Variants in SORCS3 observed in about 807,000 individuals in gnomAD.
SORCS3 encodes the protein sortilin related VPS10 domain containing receptor 3.
SORCS3 carries 57 observed loss-of-function variants against 146.3 expected under a neutral mutation model. The ratio of observed to expected loss-of-function variants is 0.39; its 90% confidence interval spans 0.31 to 0.49. The LOEUF (loss-of-function observed/expected upper bound fraction) is 0.49, where lower values mean the gene tolerates loss of function less well. Among genes scored for constraint, SORCS3 ranks in the 20% least tolerant of loss-of-function variants. SORCS3 has a pLI of 0.92. For missense variants in SORCS3, 1,341 were observed against 1,575.5 expected (o/e 0.85, Z 2.52); for synonymous variants, 653 against 618.5 (o/e 1.06, Z -0.83).
At chr10:104,795,142 A>T (rs1459294423) in intron 1 of SORCS3, among the ~76,000 whole-genome samples, 1 of 152,214 alleles carries the variant, frequency 6.6e-6, no homozygotes, top group African/African-American at 2.4e-5. Context: ...CAGAAATAAA[A>T]GGGGAGTAAT....
At chr10:104,817,096 G>A (rs1392205973) in intron 1 of SORCS3, among the ~76,000 whole-genome samples, 2 of 152,116 alleles carry the variant, frequency 1.3e-5, no homozygotes, top group Non-Finnish European at 2.9e-5. Flanking sequence ...GACAGCCTCA[G>A]TACTTTCACC....
intron 10 of SORCS3, among the ~76,000 whole-genome samples, chr10:105,158,534 A>C (rs1166371937): frequency 6.6e-6 from 1 of 152,162 alleles, no homozygotes; most frequent in East Asian, 1.9e-4. Context: ...TTGATGGTCA[A>C]GATCAGAAAT....
chr10:104,801,865 C>T (rs1160551506), intron 1 of SORCS3, among the ~76,000 whole-genome samples: 1 of 152,212 alleles, frequency 6.6e-6, no homozygotes, highest in East Asian at 1.9e-4. Flanking sequence ...ATTTCTACCA[C>T]TTTTGAAGGT....
intron 3 of SORCS3, among the ~76,000 whole-genome samples, chr10:104,967,265 T>C (rs184464362): frequency 3.3e-5 from 5 of 152,324 alleles, no homozygotes; most frequent in African/African-American, 9.6e-5. Flanking sequence ...TTTCTTAAAA[T>C]ATTACCAGAA....
chr10:105,085,308 A>C (rs747576955), intron 5 of SORCS3, among the ~76,000 whole-genome samples: 11 of 152,234 alleles, frequency 7.2e-5, no homozygotes, highest in Non-Finnish European at 1.6e-4. Context: ...TGTGGGCTGG[A>C]GGAGGGCCTC....
chr10:104,822,374 T>C (rs1263809914), intron 1 of SORCS3, among the ~76,000 whole-genome samples: 1 of 152,210 alleles, frequency 6.6e-6, no homozygotes, highest in Non-Finnish European at 1.5e-5. Context: ...TTGCCAAAGA[T>C]AAATTTCTCA....
At chr10:104,825,071 T>C (rs1035871823) in intron 1 of SORCS3, among the ~76,000 whole-genome samples, 7 of 152,198 alleles carry the variant, frequency 4.6e-5, no homozygotes, top group Admixed American at 2.6e-4. Context: ...TCTGTGTCAG[T>C]GAGAGGCCTG....
At chr10:104,811,408 A>C (rs996223132) in intron 1 of SORCS3, among the ~76,000 whole-genome samples, 3 of 152,228 alleles carry the variant, frequency 2.0e-5, no homozygotes, top group Non-Finnish European at 4.4e-5. Flanking sequence ...GAAGGAACAC[A>C]GTGCTTTGCC....
chr10:104,717,009 G>A (rs2016486961), intron 1 of SORCS3, among the ~76,000 whole-genome samples: 1 of 152,198 alleles, frequency 6.6e-6, no homozygotes, highest in African/African-American at 2.4e-5. Context: ...GGCAGCATGG[G>A]CCAGGCACAG....
chr10:104,878,487 A>G (rs953529459), intron 2 of SORCS3, among the ~76,000 whole-genome samples: 1 of 152,152 alleles, frequency 6.6e-6, no homozygotes, highest in Non-Finnish European at 1.5e-5. Flanking sequence ...AAAATCTGCA[A>G]AAAAAATTGA....
intron 13 of SORCS3, 138 bp downstream of exon 13, chr10:105,167,487 T>C (rs1203407347): frequency 3.1e-6 from 2 of 635,352 alleles, no homozygotes; most frequent in Non-Finnish European, 5.5e-6. Context: ...ATCCATTTAA[T>C]AGCCTTTACA....
chr10:104,967,711 G>GT (rs2054834064), intron 3 of SORCS3, among the ~76,000 whole-genome samples: 1 of 152,052 alleles, frequency 6.6e-6, no homozygotes, highest in African/African-American at 2.4e-5. Context: ...GTCTGGCTCT[G>GT]TTGCCCAGGC....
At chr10:105,029,869 C>T (rs929126557) in intron 4 of SORCS3, among the ~76,000 whole-genome samples, 1 of 152,168 alleles carries the variant, frequency 6.6e-6, no homozygotes, top group Non-Finnish European at 1.5e-5. Context: ...CCCTTCTTCC[C>T]CATTTGCATT....
chr10:104,809,966 G>T (rs992917755), intron 1 of SORCS3, among the ~76,000 whole-genome samples: 73 of 152,312 alleles, frequency 4.8e-4, no homozygotes, highest in Middle Eastern at 6.8e-3. Flanking sequence ...AGCCCCCTGG[G>T]ATAGGGGCTG....
chr10:104,826,732 G>A (rs1431367931), intron 1 of SORCS3, among the ~76,000 whole-genome samples: 2 of 152,304 alleles, frequency 1.3e-5, no homozygotes, highest in African/African-American at 4.8e-5. Flanking sequence ...AGACCACAAT[G>A]AAGTTTGCTG....
chr10:104,831,972 AT>A (rs1364058244), intron 1 of SORCS3, among the ~76,000 whole-genome samples: 1 of 152,156 alleles, frequency 6.6e-6, no homozygotes, highest in Non-Finnish European at 1.5e-5. Context: ...AATATGCGTA[AT>A]TGCTATTATA....
At chr10:104,821,786 T>G (rs2017875920) in intron 1 of SORCS3, among the ~76,000 whole-genome samples, 1 of 152,196 alleles carries the variant, frequency 6.6e-6, no homozygotes, top group Admixed American at 6.5e-5. Context: ...ATAAGTACCC[T>G]TGTTAGCACA....
At position 105,206,327 on chromosome 10, in the gene SORCS3, A is replaced by G. The variant is rs977061177; in HGVS notation, c.2262-4810A>G. ...GTGGTTATTTGAGTTAAAATGAAAT[A>G]AAAAATGTTATTCCTTCATTGCACT... is the stretch of plus-strand genomic sequence containing the variant. On this transcript the variant is annotated intron_variant, in intron 16 of 26. Coordinates refer to ENST00000369701, the MANE Select transcript of SORCS3 (RefSeq NM_014978.3). Among the ~76,000 whole-genome samples, 6 of 152,348 alleles carry G rather than the reference A, an allele frequency of 3.9e-5. No individual in the cohort carries two copies. In the South Asian group the frequency reaches 1.2e-3, roughly 32 times the overall value.
At position 105,129,662 on chromosome 10, in the gene SORCS3, TACACACACACACAC is replaced by T. The variant is rs71022754; in HGVS notation, c.1213-9721_1213-9708del. On this transcript the variant is annotated intron_variant, in intron 7 of 26. Coordinates refer to ENST00000369701, the MANE Select transcript of SORCS3 (RefSeq NM_014978.3). The stretch of plus-strand genomic sequence containing the variant: ...ATCTTTGCTTTTTTACCCACTCAAA[TACACACACACACAC>T]ACACACACACACAAATAGGAAAGAG... Among the ~76,000 whole-genome samples, 3 of 147,918 alleles carry T rather than the reference TACACACACACACAC, an allele frequency of 2.0e-5. No individual in the cohort carries two copies. The East Asian group carries it at 6.0e-4, about 29-fold the overall frequency.
Sources: gnomAD v4.1 joint callset for allele counts (sites outside exome capture counted in the v4.1 genomes callset) on GRCh38, gnomAD v4.1.1 for gene constraint, MANE v1.5 for transcripts, NCBI Gene and HGNC (gene_info 2026-07-23, HGNC 2026-07-21) for gene names.